The following VWC2L variants were observed in gnomAD, a reference collection of about 807,000 sequenced individuals.
VWC2L encodes the protein von Willebrand factor C domain-containing protein 2-like.
VWC2L carries 10 observed loss-of-function variants against 21.6 expected under a neutral mutation model. The ratio of observed to expected loss-of-function variants is 0.46; its 90% CI spans 0.29 to 0.78. VWC2L has a LOEUF of 0.78. VWC2L is among the 30% of genes least tolerant of loss of function. The pLI is 0.10. For missense variants in VWC2L, 209 were observed against 277.1 expected, an observed-to-expected ratio of 0.75 and a Z score of 1.74; for synonymous variants, 96 against 94.3, an observed-to-expected ratio of 1.02 and a Z score of -0.10.
chr2:214,414,664 T>C (rs1174135188), intron 2 of VWC2L, 81 bp downstream of exon 2: 52 of 1,454,842 alleles, frequency 3.6e-5, no homozygotes, highest in Admixed American at 7.6e-5. Context: ...AAAGTCAGAG[T>C]TGGAAAAATG....
At chr2:214,466,098 T>G (rs1323836980) in intron 3 of VWC2L, among the ~76,000 whole-genome samples, 2 of 151,750 alleles carry the variant, frequency 1.3e-5, no homozygotes, top group East Asian at 3.9e-4. Flanking sequence ...GTATTGTAAT[T>G]GTCCACCTGA....
chr2:214,431,355 G>A (rs748039759), intron 2 of VWC2L, among the ~76,000 whole-genome samples: 3 of 152,146 alleles, frequency 2.0e-5, no homozygotes, highest in African/African-American at 4.8e-5. Flanking sequence ...TTGTGGAAAA[G>A]ATTAGATTTT....
intron 3 of VWC2L, among the ~76,000 whole-genome samples, chr2:214,550,251 CAT>C (rs1689772408): frequency 1.3e-5 from 2 of 152,280 alleles, no homozygotes; most frequent in South Asian, 4.1e-4. Context: ...ATTTCAACCA[CAT>C]GTTTTGCTTC....
chr2:214,548,284 T>C (rs189744532), intron 3 of VWC2L, among the ~76,000 whole-genome samples: 3 of 152,262 alleles, frequency 2.0e-5, no homozygotes, highest in African/African-American at 4.8e-5. Flanking sequence ...AGGCATGCAA[T>C]TTACAGGCTT....
At chr2:214,478,870 G>A (rs1481218399) in intron 3 of VWC2L, among the ~76,000 whole-genome samples, 1 of 152,154 alleles carries the variant, frequency 6.6e-6, no homozygotes, top group Non-Finnish European at 1.5e-5. Flanking sequence ...ACCTTTCCCA[G>A]GTAGAGGCCA....
intron 3 of VWC2L, among the ~76,000 whole-genome samples, chr2:214,470,386 T>C (rs767736785): frequency 9.2e-5 from 14 of 152,302 alleles, no homozygotes; most frequent in East Asian, 7.7e-4. Context: ...TAGGTACTTA[T>C]AGGTTTGTTT....
chr2:214,416,481 C>CT (rs758568068), intron 2 of VWC2L, among the ~76,000 whole-genome samples: 91 of 151,984 alleles, frequency 6.0e-4, no homozygotes, highest in Middle Eastern at 3.4e-3. Context: ...ATAGATATCA[C>CT]TTTTTTTAAC....
Position 214,552,951 on chromosome 2 carries a change from T to C in VWC2L, c.521-22721T>C, listed in dbSNP as rs572459012. Among the ~76,000 whole-genome samples the C allele has an allele frequency of 1.2e-3, 181 of 152,344 alleles. 1 individual carries two copies. Among genetic ancestry groups the C allele is most frequent in the African/African-American group, 4.2e-3 (175 of 41,582 alleles). On this transcript the variant is annotated intron_variant, in intron 3 of 3. Coordinates refer to ENST00000312504, the MANE Select transcript of VWC2L (RefSeq NM_001080500.4). ...CTTTTATATTTCTCTTCTCAAAAGATATCACCTGCTATTGAGCACATAAGC... is the reference window on the plus strand; with the variant it reads ...CTTTTATATTTCTCTTCTCAAAAGACATCACCTGCTATTGAGCACATAAGC...
intron 3 of VWC2L, among the ~76,000 whole-genome samples, chr2:214,503,033 G>A (rs1363279042): frequency 6.6e-6 from 1 of 151,994 alleles, no homozygotes; most frequent in Non-Finnish European, 1.5e-5. Flanking sequence ...CCCCATTTTT[G>A]CCTTTGCTAG....
chr2:214,452,410 G>C (rs923313327), intron 3 of VWC2L, among the ~76,000 whole-genome samples: 7 of 152,018 alleles, frequency 4.6e-5, no homozygotes, highest in African/African-American at 1.7e-4. Flanking sequence ...TAATTATTTT[G>C]AGATTCATAC....
chr2:214,544,232 C>A (rs1429238405), intron 3 of VWC2L, among the ~76,000 whole-genome samples: 2 of 152,166 alleles, frequency 1.3e-5, no homozygotes, highest in African/African-American at 4.8e-5. Context: ...ATTCTGAATT[C>A]TCTGGGCATT....
chr2:214,518,266 G>A (rs1469028865), intron 3 of VWC2L, among the ~76,000 whole-genome samples: 8 of 152,134 alleles, frequency 5.3e-5, no homozygotes, highest in Non-Finnish European at 1.0e-4. Context: ...CTTTGTGCTA[G>A]GGCAAGATAC....
intron 3 of VWC2L, among the ~76,000 whole-genome samples, chr2:214,545,894 T>G (rs770779270): frequency 2.7e-4 from 41 of 152,264 alleles, no homozygotes; most frequent in African/African-American, 8.7e-4. Flanking sequence ...AAAATACTAG[T>G]TCAAATTTTA....
chr2:214,427,385 A>G (rs1366296757), intron 2 of VWC2L, among the ~76,000 whole-genome samples: 1 of 152,198 alleles, frequency 6.6e-6, no homozygotes, highest in Non-Finnish European at 1.5e-5. Context: ...TCACATTGAA[A>G]CTAAAAGATA....
intron 3 of VWC2L, among the ~76,000 whole-genome samples, chr2:214,530,737 T>A (rs1405628655): frequency 6.6e-6 from 1 of 152,196 alleles, no homozygotes; most frequent in Non-Finnish European, 1.5e-5. Flanking sequence ...CCTAGTTATA[T>A]CTGCTTTCAG....
intron 3 of VWC2L, among the ~76,000 whole-genome samples, chr2:214,535,678 G>C (rs915418466): frequency 6.6e-6 from 1 of 152,048 alleles, no homozygotes; most frequent in Non-Finnish European, 1.5e-5. Context: ...GTATTGGTCT[G>C]ACAGCCTGAC....
chr2:214,418,916 T>C (rs915247872), intron 2 of VWC2L, among the ~76,000 whole-genome samples: 1 of 152,214 alleles, frequency 6.6e-6, no homozygotes, highest in African/African-American at 2.4e-5. Flanking sequence ...AAGGGTTGTC[T>C]TGGATTCTGT....
At chr2:214,476,490 A>C (rs1371764719) in intron 3 of VWC2L, among the ~76,000 whole-genome samples, 3 of 152,190 alleles carry the variant, frequency 2.0e-5, no homozygotes, top group Non-Finnish European at 4.4e-5. Context: ...TGGGGGGCAT[A>C]TTAAATCTAA....
intron 3 of VWC2L, among the ~76,000 whole-genome samples, chr2:214,520,067 A>ACACACACG (rs1559316512): frequency 1.3e-5 from 2 of 150,950 alleles, no homozygotes; most frequent in East Asian, 2.0e-4. Context: ...ATACACACAC[A>ACACACACG]CACACACACA....
Sources: gnomAD v4.1 joint callset for allele counts (sites outside exome capture counted in the v4.1 genomes callset) on GRCh38, gnomAD v4.1.1 for gene constraint, MANE v1.5 for transcripts, NCBI Gene and HGNC (gene_info 2026-07-23, HGNC 2026-07-21) for gene names.